Variants in CPHXL2 observed in about 807,000 individuals in gnomAD.
CPHXL2 encodes cytoplasmic polyadenylated homeobox-like protein 2.
chr16:75,662,563 T>C, the CPHXL2 span, among the ~76,000 whole-genome samples: 1 of 152,136 alleles, frequency 6.6e-6, no homozygotes, highest in East Asian at 1.9e-4. Context: ...AAGACATAGC[T>C]TTGGAGATTC....
the CPHXL2 span, among the ~76,000 whole-genome samples, chr16:75,672,118 G>GA: frequency 1.5e-3 from 211 of 145,374 alleles, no homozygotes; most frequent in African/African-American, 4.5e-3. Context: ...AAAAAAAAAA[G>GA]AAAAAAAAAA....
the CPHXL2 span, among the ~76,000 whole-genome samples, chr16:75,662,638 C>T: frequency 6.6e-6 from 1 of 151,928 alleles, no homozygotes; most frequent in African/African-American, 2.4e-5. Context: ...TTAGAATAAC[C>T]CTAGTTATTT....
At chr16:75,666,608 C>CAAAA in the CPHXL2 span, among the ~76,000 whole-genome samples, 7 of 65,110 alleles carry the variant, frequency 1.1e-4, no homozygotes, top group South Asian at 6.0e-4. Context: ...AACTCTATCT[C>CAAAA]AAAAAAAAAA....
the CPHXL2 span, among the ~76,000 whole-genome samples, chr16:75,664,759 A>C: frequency 5.9e-5 from 9 of 152,152 alleles, no homozygotes; most frequent in Non-Finnish European, 1.0e-4. Context: ...GAATGGATTA[A>C]CACATTCATG....
chr16:75,674,372 CAAAAAAAAA>C, the CPHXL2 span, among the ~76,000 whole-genome samples: 1 of 53,392 alleles, frequency 1.9e-5, no homozygotes, highest in South Asian at 6.4e-4. Flanking sequence ...GACTCCGTCT[CAAAAAAAAA>C]AAAAAAAAAA....
the CPHXL2 span, among the ~76,000 whole-genome samples, chr16:75,675,866 G>A: frequency 6.6e-6 from 1 of 152,132 alleles, no homozygotes; most frequent in Non-Finnish European, 1.5e-5. Context: ...ATCACCTGAG[G>A]TCAGGAGTTT....
chr16:75,661,095 C>A, the CPHXL2 span: 1 of 400,826 alleles, frequency 2.5e-6, no homozygotes, highest in Non-Finnish European at 4.4e-6. Context: ...ACAGGAAAAA[C>A]TCTGCTCTGT....
At chr16:75,673,704 C>T in the CPHXL2 span, among the ~76,000 whole-genome samples, 1 of 152,020 alleles carries the variant, frequency 6.6e-6, no homozygotes, top group East Asian at 1.9e-4. Flanking sequence ...GAACATCCTA[C>T]CTGTGGCTCA....
At chr16:75,671,874 CAG>C in the CPHXL2 span, among the ~76,000 whole-genome samples, 13 of 152,238 alleles carry the variant, frequency 8.5e-5, no homozygotes, top group Non-Finnish European at 1.2e-4. Flanking sequence ...GAATCCAAAT[CAG>C]GGGGGCTTGC....
At chr16:75,676,815 T>G in the CPHXL2 span, among the ~76,000 whole-genome samples, 1 of 152,198 alleles carries the variant, frequency 6.6e-6, no homozygotes, top group Non-Finnish European at 1.5e-5. Flanking sequence ...AAATGCCTAG[T>G]CCTATCTAAA....
At chr16:75,670,332 G>A in the CPHXL2 span, among the ~76,000 whole-genome samples, 6 of 152,306 alleles carry the variant, frequency 3.9e-5, no homozygotes, top group African/African-American at 1.4e-4. Context: ...GGGCTACTGA[G>A]GGAACGGAAT....
At chr16:75,663,105 G>C in the CPHXL2 span, among the ~76,000 whole-genome samples, 1 of 152,168 alleles carries the variant, frequency 6.6e-6, no homozygotes, top group Non-Finnish European at 1.5e-5. Flanking sequence ...CGCCCGGTGG[G>C]AGGTAATTCT....
chr16:75,675,227 G>A, the CPHXL2 span, among the ~76,000 whole-genome samples: 1 of 150,420 alleles, frequency 6.6e-6, no homozygotes, highest in Non-Finnish European at 1.5e-5. Flanking sequence ...TCACCATATT[G>A]GTCAGGCTGG....
At chr16:75,674,323 A>C in the CPHXL2 span, among the ~76,000 whole-genome samples, 6 of 143,796 alleles carry the variant, frequency 4.2e-5, no homozygotes, top group Non-Finnish European at 9.1e-5. Context: ...CAGTGAGCCG[A>C]GATCGCACCA....
chr16:75,662,822 G>A, the CPHXL2 span, among the ~76,000 whole-genome samples: 4 of 142,046 alleles, frequency 2.8e-5, no homozygotes, highest in Non-Finnish European at 6.1e-5. Flanking sequence ...TTTTTGAGAC[G>A]GAGTCTCGCT....
the CPHXL2 span, chr16:75,661,042 C>A: frequency 2.5e-6 from 1 of 400,724 alleles, no homozygotes. Context: ...CTCTGTTTCT[C>A]CAGAAGGGAG....
At chr16:75,671,385 A>T in the CPHXL2 span, among the ~76,000 whole-genome samples, 1 of 143,486 alleles carries the variant, frequency 7.0e-6, no homozygotes, top group Admixed American at 6.9e-5. Flanking sequence ...AAAAAATTGA[A>T]ATACCTTTCC....
chr16:75,671,279 G>C, the CPHXL2 span, among the ~76,000 whole-genome samples: 2 of 151,082 alleles, frequency 1.3e-5, no homozygotes, highest in South Asian at 2.1e-4. Flanking sequence ...AGCATCGCTT[G>C]AGCCTGGGGA....
the CPHXL2 span, among the ~76,000 whole-genome samples, chr16:75,676,585 G>T: frequency 6.6e-6 from 1 of 152,140 alleles, no homozygotes; most frequent in Non-Finnish European, 1.5e-5. Flanking sequence ...GCCTCCCAAA[G>T]TGTTGGGATT....
Sources: gnomAD v4.1 joint callset for allele counts (sites outside exome capture counted in the v4.1 genomes callset) on GRCh38, gnomAD v4.1.1 for gene constraint, MANE v1.5 for transcripts, NCBI Gene and HGNC (gene_info 2026-07-23, HGNC 2026-07-21) for gene names.